The following CYP21A2 variants were observed in gnomAD, a reference collection of about 807,000 sequenced individuals.
CYP21A2 encodes cytochrome P450 family 21 subfamily A member 2.
In CYP21A2, 24 loss-of-function variants were observed where a neutral mutation model predicts 47.4. The ratio of observed to expected loss-of-function variants is 0.51; its 90% CI spans 0.37 to 0.71. CYP21A2 has a LOEUF of 0.71. CYP21A2 is among the 30% of genes least tolerant of loss of function. The pLI, the probability that CYP21A2 is intolerant of heterozygous loss-of-function variation, is 0.00. For missense variants in CYP21A2, 358 were observed against 643.2 expected, an observed-to-expected ratio of 0.56 and a Z score of 4.80; for synonymous variants, 130 against 273.9, an observed-to-expected ratio of 0.47 and a Z score of 5.19.
intron 2 of CYP21A2, 75 bp downstream of exon 2, chr6:32,038,886 G>T: frequency 7.3e-7 from 1 of 1,365,440 alleles, no homozygotes; most frequent in Admixed American, 2.0e-5. Context: ...TGCTGCCCAG[G>T]CTGGTCTTAA....
intron 6 of CYP21A2, 34 bp downstream of exon 6, chr6:32,039,869 C>T (rs766766130): frequency 6.2e-7 from 1 of 1,609,018 alleles, no homozygotes; most frequent in East Asian, 2.2e-5. Context: ...TCCCCTCGGC[C>T]CACAGCCAGT....
Position 32,041,015 on chromosome 6 carries a change from G to A in CYP21A2, c.1369G>A (p.Asp457Asn), listed in dbSNP as rs1776311198. 2.5e-6 allele frequency: 3 copies of A among 1,223,112 alleles called. No individual in the cohort carries two copies. In the Admixed American group the frequency reaches 5.9e-5, roughly 24 times the overall value. The allele number at this position is 1,223,112 out of a possible 1,614,324, so 75.8% of individuals were successfully genotyped here. A position where few individuals can be genotyped will look rare whatever the true frequency, so the allele number is the denominator to read the frequency against. ...GGCCTTCACGCTGCTGCCCTCCGGGGACGCCCTGCCCTCCCTGCAGCCCCT... is the reference window on the plus strand; with the variant it reads ...GGCCTTCACGCTGCTGCCCTCCGGGAACGCCCTGCCCTCCCTGCAGCCCCT... Reference protein sequence around the residue: ...LQAFTLLPSGDALPSLQPLPH... With the variant: ...LQAFTLLPSGNALPSLQPLPH... Residue 457 changes from aspartate (D) to asparagine (N), a missense_variant, in exon 10 of 10, where the codon GAC (aspartate) becomes AAC (asparagine). Coordinates refer to ENST00000644719, the MANE Select transcript of CYP21A2 (RefSeq NM_000500.9).
rs200005406 is a variant in CYP21A2, at chr6:32,041,097, G to C, written c.1451G>C (p.Arg484Pro). 6.8e-4 allele frequency: 1,080 copies of C among 1,582,546 alleles called. No individual in the cohort carries two copies. The highest frequency in any genetic ancestry group is 8.9e-4 in the Non-Finnish European group (1,037 of 1,164,792). ...MQPFQVRLQP[R>P]GMGAHSPGQS... ...CCTTTCCAAGTGCGGCTGCAGCCCC[G>C]GGGGATGGGGGCCCACAGCCCGGGC... Residue 484 changes from arginine to proline, a missense_variant, in exon 10 of 10, where the codon CGG (arginine) becomes CCG (proline). Physicochemically the swap from Arg to Pro is moderately radical, Grantham distance 103 (BLOSUM62 -2). Coordinates refer to ENST00000644719, the MANE Select transcript of CYP21A2 (RefSeq NM_000500.9).
Position 32,039,118 on chromosome 6 carries a change from C to A in CYP21A2, c.317C>A (p.Pro106Gln), listed in dbSNP as rs550051210. ...LTYKLVSRNY[P>Q]DLSLGDYSLL... ...GACAAGCTGGTGTCTAGGAACTACC[C>A]GGACCTGTCCTTGGGAGACTACTCC... Residue 106 changes from proline to glutamine, a missense_variant, in exon 3 of 10, where the codon CCG becomes CAG. Transcript: ENST00000644719. 6 of 1,610,266 alleles carry A rather than the reference C, an allele frequency of 3.7e-6. No individual in the cohort carries two copies. Among genetic ancestry groups the A allele is most frequent in the African/African-American group, 1.3e-5 (1 of 74,916 alleles).
rs751884965 is a variant in CYP21A2, at chr6:32,039,652, G to C, written c.651+5G>C. On this transcript the variant is annotated splice_donor_5th_base_variant and intron_variant, in intron 5 of 9. Coordinates refer to ENST00000644719, the MANE Select transcript of CYP21A2 (RefSeq NM_000500.9). ...GACGTGATTCCCTTTCTCAGGGTGAGGACCTGGAGCCTAGACACCCCTGGG... is the reference window on the plus strand; with the variant it reads ...GACGTGATTCCCTTTCTCAGGGTGACGACCTGGAGCCTAGACACCCCTGGG... 3.9e-5 allele frequency: 61 copies of C among 1,562,582 alleles called. No individual in the cohort carries two copies. The highest frequency in any genetic ancestry group is 4.9e-5 in the Non-Finnish European group (57 of 1,152,546).
Position 32,038,435 on chromosome 6 carries a change from GGCC to G in CYP21A2, c.14_16del (p.Gly5_Leu6delinsVal), listed in dbSNP as rs1267756088. 6.5e-7 allele frequency: 1 copy of G among 1,543,372 alleles called. No individual in the cohort carries two copies. The highest frequency in any genetic ancestry group is 8.8e-7 in the Non-Finnish European group (1 of 1,142,696). The stretch of plus-strand genomic sequence containing the variant: ...CGGGCGTCTCGCCATGCTGCTCCTG[GGCC>G]TGCTGCTGCTGCTGCCCCTGCTGGC... On this transcript the variant is annotated inframe_deletion, in exon 1 of 10. Transcript: ENST00000644719.
intron 6 of CYP21A2, 47 bp downstream of exon 6, chr6:32,039,882 T>C (rs1776157190): frequency 6.2e-7 from 1 of 1,607,092 alleles, no homozygotes; most frequent in Non-Finnish European, 8.5e-7. Flanking sequence ...CAGCCAGTGA[T>C]GCTACCGGCC....
chr6:32,039,964 C>T (rs765418852), intron 6 of CYP21A2, 41 bp from the exon 7 acceptor site: 116 of 1,611,068 alleles, frequency 7.2e-5, no homozygotes, highest in East Asian at 6.2e-4. Flanking sequence ...TACTCCTCTC[C>T]CCAGGCCAGC....
In CYP21A2 at chr6:32,040,465, C is replaced by T. The variant is rs1776224599; in HGVS notation, c.999C>T (p.Ser333=). Residue 333 remains serine, a synonymous_variant, in exon 8 of 10, where the codon TCC becomes TCT. Transcript: ENST00000644719. ...AACTGGGCCCTGGTGCCTCCAGCTC[C>T]CGGGTCCCCTACAAGGACCGTGCAC... ...DHELGPGASS[S]RVPYKDRARL... is the part of the protein sequence containing the mutation. 1 of 1,613,238 alleles carries T rather than the reference C, an allele frequency of 6.2e-7. No individual in the cohort carries two copies. Among genetic ancestry groups the T allele is most frequent in the Non-Finnish European group, 8.5e-7 (1 of 1,179,772 alleles).
Position 32,039,254 on chromosome 6 carries a change from G to T in CYP21A2, c.447+6G>T, listed in dbSNP as rs1371596392. ...TGACCCAGGAGTTCTGTGAGGTAAG[G>T]CTGGGCTCCTGAGGCCACCTCGGGT... On this transcript the variant is annotated splice_donor_region_variant and intron_variant, in intron 3 of 9. Coordinates refer to ENST00000644719, the MANE Select transcript of CYP21A2 (RefSeq NM_000500.9). 3 of 1,579,104 alleles carry T rather than the reference G, an allele frequency of 1.9e-6. No homozygotes were observed. The highest frequency in any genetic ancestry group is 2.3e-5 in the East Asian group (1 of 42,976).
In CYP21A2 at chr6:32,040,919, G is replaced by A. The variant is rs72552758; in HGVS notation, c.1273G>A (p.Gly425Ser). Residue 425 changes from glycine to serine, a missense_variant, in exon 10 of 10, where the codon GGT becomes AGT. Gly to Ser is a moderately conservative substitution (Grantham distance 56). Transcript: ENST00000644719. ...KNSRALAFGC[G>S]ARVCLGEPLA... ...CTCCAGAGCTCTGGCCTTCGGCTGC[G>A]GTGCCCGCGTGTGCCTGGGCGAGCC... 1.8e-5 allele frequency: 22 copies of A among 1,240,812 alleles called. No homozygotes were observed. Among genetic ancestry groups the A allele is most frequent in the African/African-American group, 1.2e-4 (8 of 69,318 alleles). The allele number at this position is 1,240,812 out of a possible 1,614,324, so 76.9% of individuals were successfully genotyped here.
Position 32,040,043 on chromosome 6 carries a change from C to G in CYP21A2, c.777C>G (p.Asp259Glu). Residue 259 changes from aspartate (D) to glutamate (E), a missense_variant, in exon 7 of 10, where the codon GAC (aspartate) becomes GAG (glutamate). Transcript: ENST00000644719. ...CAGGCCAGTGGAGGGACATGATGGA[C>G]TACATGCTCCAAGGGGTGGCGCAGC... Reference protein sequence around the residue: ...LVAGQWRDMMDYMLQGVAQPS... With the variant: ...LVAGQWRDMMEYMLQGVAQPS... 12 of 1,612,720 alleles carry G rather than the reference C, an allele frequency of 7.4e-6. No individual in the cohort carries two copies. The highest frequency in any genetic ancestry group is 9.3e-6 in the Non-Finnish European group (11 of 1,179,866).
intron 2 of CYP21A2, 105 bp from the exon 3 acceptor site, chr6:32,038,989 G>T (rs1260651940): frequency 4.5e-6 from 7 of 1,545,924 alleles, no homozygotes; most frequent in Non-Finnish European, 6.1e-6. Context: ...CTCTTGGGGG[G>T]GCATATCTGG....
Position 32,039,408 on chromosome 6 carries a change from T to C in CYP21A2, c.500T>C (p.Leu167Pro). ...TPVAIEEEFS[L>P]LTCSIICYLT... ...GTGGCCATTGAGGAGGAATTCTCTC[T>C]CCTCACCTGCAGCATCATCTGTTAC... is the stretch of plus-strand genomic sequence containing the variant. The change falls in exon 4 of 10, where the codon CTC (leucine) becomes CCC (proline). Residue 167 changes from leucine (L) to proline (P), a missense_variant. Coordinates refer to ENST00000644719, the MANE Select transcript of CYP21A2 (RefSeq NM_000500.9). 6.2e-7 allele frequency: 1 copy of C among 1,613,204 alleles called. No homozygotes were observed.
chr6:32,039,062 T>TACCC, intron 2 of CYP21A2, 32 bp from the exon 3 acceptor site: 4 of 1,565,824 alleles, frequency 2.6e-6, no homozygotes, highest in Non-Finnish European at 2.6e-6. Flanking sequence ...CTTCATCAGT[T>TACCC]CCCACCCTCC....
Position 32,041,490 on chromosome 6 carries a change from T to C in CYP21A2, c.*356T>C, listed in dbSNP as rs1349800313. 1 of 1,184,768 alleles carries C rather than the reference T, an allele frequency of 8.4e-7. No individual in the cohort carries two copies. Among genetic ancestry groups the C allele is most frequent in the South Asian group, 1.3e-5 (1 of 76,778 alleles). 73.4% of individuals were successfully genotyped at this position (1,184,768 alleles called of 1,614,324 possible). On this transcript the variant is annotated 3_prime_UTR_variant, in exon 10 of 10. Coordinates refer to ENST00000644719, the MANE Select transcript of CYP21A2 (RefSeq NM_000500.9). ...GTCAAGAGAGAGTCAAAGCCGGATG[T>C]CCCATCTGCTCTTCCCGTTCCCCTT...
rs765115219 is a variant in CYP21A2, at chr6:32,039,275, C to T, written c.447+27C>T. The T allele has an allele frequency of 9.2e-5, 145 of 1,572,152 alleles. No homozygotes were observed. Among genetic ancestry groups the T allele is most frequent in the Middle Eastern group, 3.5e-4 (2 of 5,766 alleles). On this transcript the variant is annotated intron_variant, in intron 3 of 9. Transcript: ENST00000644719. ...TAAGGCTGGGCTCCTGAGGCCACCT[C>T]GGGTCAGCCTCGCCTCTCACAGTAG... is the stretch of plus-strand genomic sequence containing the variant.
chr6:32,039,022 GA>G, intron 2 of CYP21A2, 71 bp from the exon 3 acceptor site: 1 of 1,555,792 alleles, frequency 6.4e-7, no homozygotes, highest in Non-Finnish European at 8.7e-7. Flanking sequence ...AGGGGTTGGG[GA>G]GGCCGAAGAA....
Position 32,040,157 on chromosome 6 carries a change from A to T in CYP21A2, c.891A>T (p.Thr297=). Residue 297 remains threonine, a synonymous_variant, in exon 7 of 10, where the codon ACA becomes ACT. Coordinates refer to ENST00000644719, the MANE Select transcript of CYP21A2 (RefSeq NM_000500.9). ...TCCTGATCGGTGGCACTGAGACCACAGCAAACACCCTCTCCTGGGCCGTGG... is the reference window on the plus strand; with the variant it reads ...TCCTGATCGGTGGCACTGAGACCACTGCAAACACCCTCTCCTGGGCCGTGG... The part of the protein sequence containing the change: ...VDLLIGGTET[T]ANTLSWAVVF... The T allele has an allele frequency of 6.2e-7, 1 of 1,612,850 alleles. No homozygotes were observed. The highest frequency in any genetic ancestry group is 2.2e-5 in the East Asian group (1 of 44,870).
Sources: gnomAD v4.1 joint callset for allele counts on GRCh38, gnomAD v4.1.1 for gene constraint, MANE v1.5 for transcripts, NCBI Gene and HGNC (gene_info 2026-07-23, HGNC 2026-07-21) for gene names.